DACH2: variants seen among roughly 807,000 people sequenced by gnomAD.
DACH2 encodes the protein dachshund homolog 2.
DACH2 carries 17 observed loss-of-function variants against 35.8 expected under a neutral mutation model. That is an observed-to-expected ratio of 0.48 (90% CI 0.33 to 0.71). The LOEUF (loss-of-function observed/expected upper bound fraction) is 0.71, where lower values mean the gene tolerates loss of function less well. DACH2 is among the 30% of genes least tolerant of loss of function. DACH2 has a pLI of 0.02. For missense variants in DACH2, 469 were observed against 472.7 expected (o/e 0.99, Z 0.07); for synonymous variants, 195 against 177.3 (o/e 1.10, Z -0.79).
At chrX:86,496,411 A>G (rs1399895445) in intron 2 of DACH2, among the ~76,000 whole-genome samples, 2 of 111,325 alleles carry the variant, frequency 1.8e-5, no homozygotes, top group Non-Finnish European at 3.8e-5. Context: ...TAGTGTAGGT[A>G]TAGAATTCTA....
At chrX:86,693,993 T>A (rs1438662419) in intron 4 of DACH2, among the ~76,000 whole-genome samples, 2 of 108,150 alleles carry the variant, frequency 1.8e-5, no homozygotes, top group African/African-American at 6.8e-5. Context: ...TTTTCTACAT[T>A]AAAAAAAACA....
intron 3 of DACH2, among the ~76,000 whole-genome samples, chrX:86,603,305 T>C (rs1352947320): frequency 9.0e-6 from 1 of 111,388 alleles, no homozygotes; most frequent in Non-Finnish European, 1.9e-5. Context: ...AACAAGGTCA[T>C]ATTTTGAGGT....
intron 1 of DACH2, among the ~76,000 whole-genome samples, chrX:86,376,244 T>C (rs1415869964): frequency 9.2e-6 from 1 of 108,201 alleles, no homozygotes; most frequent in African/African-American, 3.4e-5. Flanking sequence ...TCCAGAAAAA[T>C]GTATATAGTG....
chrX:86,204,228 A>C (rs767884917), intron 1 of DACH2, among the ~76,000 whole-genome samples: 19 of 112,017 alleles, frequency 1.7e-4, no homozygotes, highest in Admixed American at 3.8e-4. Context: ...TTCTCTCCTC[A>C]GAACCTAGAA....
At position 86,565,443 on chromosome X, in the gene DACH2, C is replaced by T. The variant is rs372891641; in HGVS notation, c.640+51052C>T. On this transcript the variant is annotated intron_variant, in intron 3 of 11. Coordinates refer to ENST00000373125, the MANE Select transcript of DACH2 (RefSeq NM_053281.3). Reference sequence around the variant, plus strand: ...CGAAGCAAATTCTCAGGCTTCACCCCAGACCTACTGAATCAAAAACATTGG... The same window carrying T: ...CGAAGCAAATTCTCAGGCTTCACCCTAGACCTACTGAATCAAAAACATTGG... Among the ~76,000 whole-genome samples the T allele has an allele frequency of 2.5e-4, 28 of 111,546 alleles. No homozygotes were observed. In the East Asian group the frequency reaches 2.9e-3, roughly 11 times the overall value.
intron 1 of DACH2, among the ~76,000 whole-genome samples, chrX:86,307,846 A>G (rs1569341832): frequency 8.9e-6 from 1 of 111,870 alleles, no homozygotes; most frequent in Non-Finnish European, 1.9e-5. Context: ...AATGGATACA[A>G]AGGGCATGGG....
chrX:86,161,347 T>A, intron 1 of DACH2: 1 of 1,096,732 alleles, frequency 9.1e-7, no homozygotes, highest in Non-Finnish European at 1.2e-6. Context: ...GTCCCTGTAA[T>A]CACGTTCTTA....
intron 2 of DACH2, among the ~76,000 whole-genome samples, chrX:86,462,042 G>A (rs1035945273): frequency 1.8e-5 from 2 of 111,131 alleles, no homozygotes; most frequent in Admixed American, 1.9e-4. Flanking sequence ...ACAAATTAAA[G>A]GAGACTATCA....
intron 3 of DACH2, among the ~76,000 whole-genome samples, chrX:86,533,489 A>G (rs145135506): frequency 0.011 from 1,201 of 111,442 alleles, 7 homozygotes; most frequent in Non-Finnish European, 0.015. Context: ...TGTTCTTCAT[A>G]TATCTCTTAC....
intron 5 of DACH2, among the ~76,000 whole-genome samples, chrX:86,697,500 G>C (rs925547488): frequency 2.7e-5 from 3 of 110,852 alleles, no homozygotes; most frequent in African/African-American, 9.8e-5. Context: ...ACAAAATCAA[G>C]TAACACAATC....
chrX:86,550,735 G>T (rs1418356213), intron 3 of DACH2, among the ~76,000 whole-genome samples: 2 of 111,345 alleles, frequency 1.8e-5, no homozygotes, highest in Non-Finnish European at 3.8e-5. Flanking sequence ...GAAGTTCCAT[G>T]GTTTATACTT....
intron 1 of DACH2, among the ~76,000 whole-genome samples, chrX:86,315,117 T>G (rs2034873025): frequency 8.9e-6 from 1 of 112,098 alleles, no homozygotes; most frequent in African/African-American, 3.2e-5. Context: ...TGTTAGAGTC[T>G]AATGCAGTTG....
At chrX:86,419,545 C>T (rs953826840) in intron 2 of DACH2, among the ~76,000 whole-genome samples, 6 of 111,718 alleles carry the variant, frequency 5.4e-5, no homozygotes, top group Non-Finnish European at 7.5e-5. Flanking sequence ...GACCCACCCT[C>T]ATAATTCAGT....
At chrX:86,651,620 C>T (rs146489972) in intron 4 of DACH2, among the ~76,000 whole-genome samples, 197 of 111,879 alleles carry the variant, frequency 1.8e-3, no homozygotes, top group South Asian at 0.011. Flanking sequence ...GCATTATCAA[C>T]AGGGACTAAT....
chrX:86,243,551 AC>A lies in DACH2; in HGVS notation c.488+94445del, dbSNP rs1385357215. Among the ~76,000 whole-genome samples, 3 of 110,869 alleles carry A rather than the reference AC, an allele frequency of 2.7e-5. No homozygotes were observed. The East Asian group carries it at 8.5e-4, about 31-fold the overall frequency. On this transcript the variant is annotated intron_variant, in intron 1 of 11. Coordinates refer to ENST00000373125, the MANE Select transcript of DACH2 (RefSeq NM_053281.3). ...CTGTGTAAGAGAGATTTTTTTTTCT[AC>A]CTTAATAGAGTATCTTGATTTGGTA...
chrX:86,400,894 T>A (rs1175685486), intron 2 of DACH2, among the ~76,000 whole-genome samples: 3 of 112,332 alleles, frequency 2.7e-5, no homozygotes, highest in African/African-American at 9.7e-5. Flanking sequence ...GAAGCACTAC[T>A]CTCTTCAAAG....
intron 1 of DACH2, among the ~76,000 whole-genome samples, chrX:86,203,935 G>A (rs1174326708): frequency 2.7e-5 from 3 of 111,616 alleles, no homozygotes; most frequent in Non-Finnish European, 3.8e-5. Flanking sequence ...CACGGAGAAG[G>A]AGTTAAACTT....
intron 1 of DACH2, among the ~76,000 whole-genome samples, chrX:86,325,655 C>T (rs192354773): frequency 2.6e-4 from 29 of 112,430 alleles, no homozygotes; most frequent in Admixed American, 2.5e-3. Context: ...TCAGTTACTA[C>T]TCATCACTGT....
rs181083533 is a variant in DACH2, at chrX:86,367,905, C to T, written c.489-8919C>T. ...TGTTGGCTTTAGACTTTCTGTTGCA[C>T]ACGTCCTTTCCTTTTGATTTTCATC... On this transcript the variant is annotated intron_variant, in intron 1 of 11. Coordinates refer to ENST00000373125, the MANE Select transcript of DACH2 (RefSeq NM_053281.3). Among the ~76,000 whole-genome samples the T allele has an allele frequency of 3.6e-5, 4 of 111,523 alleles. No individual in the cohort carries two copies. The East Asian group carries it at 1.1e-3, about 32-fold the overall frequency.
Sources: gnomAD v4.1 joint callset for allele counts (sites outside exome capture counted in the v4.1 genomes callset) on GRCh38, gnomAD v4.1.1 for gene constraint, MANE v1.5 for transcripts, NCBI Gene and HGNC (gene_info 2026-07-23, HGNC 2026-07-21) for gene names.